The following PSMA8 variants were observed in gnomAD, a reference collection of about 807,000 sequenced individuals.
The protein encoded by PSMA8 is proteasome subunit alpha-type 8.
A neutral mutation model predicts 32.4 loss-of-function variants in PSMA8; 18 were observed. That is an observed-to-expected ratio of 0.56 (90% CI 0.38 to 0.82). PSMA8 has a LOEUF of 0.82. Ranked by LOEUF, PSMA8 falls within the 40% of genes least tolerant of loss-of-function variation. The pLI is 0.00. For synonymous variants in PSMA8, 104 were observed against 98.1 expected, an observed-to-expected ratio of 1.06 and a Z score of -0.36; for missense variants, 298 against 300.7, an observed-to-expected ratio of 0.99 and a Z score of 0.07.
At chr18:26,135,872 G>T (rs1173166952) in intron 1 of PSMA8, among the ~76,000 whole-genome samples, 2 of 152,158 alleles carry the variant, frequency 1.3e-5, no homozygotes, top group East Asian at 3.8e-4. Context: ...AGACACTTTT[G>T]TCTCAGAATT....
intron 1 of PSMA8, among the ~76,000 whole-genome samples, chr18:26,135,112 T>C (rs1382165163): frequency 6.6e-6 from 1 of 152,176 alleles, no homozygotes; most frequent in Non-Finnish European, 1.5e-5. Context: ...TCCACATTAC[T>C]GAAAAACTTA....
chr18:26,145,899 A>G (rs1454077748), intron 2 of PSMA8, among the ~76,000 whole-genome samples: 1 of 152,216 alleles, frequency 6.6e-6, no homozygotes, highest in Non-Finnish European at 1.5e-5. Flanking sequence ...GCTGGATTAT[A>G]TGATAATCCA....
chr18:26,148,613 A>G (rs2055022168), intron 2 of PSMA8, among the ~76,000 whole-genome samples: 1 of 152,168 alleles, frequency 6.6e-6, no homozygotes, highest in Non-Finnish European at 1.5e-5. Context: ...GAACAAGATA[A>G]AGATGCCCAC....
intron 6 of PSMA8, among the ~76,000 whole-genome samples, chr18:26,184,904 T>C (rs1317435151): frequency 6.7e-6 from 1 of 149,276 alleles, no homozygotes; most frequent in Non-Finnish European, 1.5e-5. Flanking sequence ...CTAGCCATCA[T>C]GGTAAAACCC....
chr18:26,137,113 G>T (rs1002410275), intron 1 of PSMA8, among the ~76,000 whole-genome samples: 1 of 152,132 alleles, frequency 6.6e-6, no homozygotes, highest in East Asian at 1.9e-4. Flanking sequence ...ATCACTTAAG[G>T]CAATTAACTT....
Position 26,167,029 on chromosome 18 carries a change from A to AATACCT in PSMA8, c.477+8788_477+8793dup, listed in dbSNP as rs2055186046. ...GACATTACAAAATCTTGCAAAATAA[A>AATACCT]ATACCTATTCAAAGCAAACATTGTG... On this transcript the variant is annotated intron_variant, in intron 4 of 6. Transcript: ENST00000415576. Among the ~76,000 whole-genome samples, 7 of 152,278 alleles carry AATACCT rather than the reference A, an allele frequency of 4.6e-5. No individual in the cohort carries two copies. The South Asian group carries it at 1.5e-3, about 32-fold the overall frequency.
chr18:26,174,005 T>C (rs1260832456), intron 4 of PSMA8, among the ~76,000 whole-genome samples: 1 of 152,162 alleles, frequency 6.6e-6, no homozygotes, highest in East Asian at 1.9e-4. Context: ...TTCTCTCCCT[T>C]TGAACTTTTG....
intron 2 of PSMA8, among the ~76,000 whole-genome samples, chr18:26,147,328 A>T (rs1045491915): frequency 6.6e-6 from 1 of 152,104 alleles, no homozygotes; most frequent in Non-Finnish European, 1.5e-5. Context: ...AAACACGTGG[A>T]GTTAAGCAAT....
At chr18:26,173,446 T>C (rs900185689) in intron 4 of PSMA8, among the ~76,000 whole-genome samples, 3 of 152,210 alleles carry the variant, frequency 2.0e-5, no homozygotes, top group African/African-American at 7.2e-5. Context: ...GCTTTACTTC[T>C]CTCATAACAA....
intron 3 of PSMA8, among the ~76,000 whole-genome samples, chr18:26,154,535 C>T (rs576033244): frequency 6.6e-6 from 1 of 152,092 alleles, no homozygotes; most frequent in African/African-American, 2.4e-5. Context: ...GAATTACCAC[C>T]GAGAAGGCCT....
intron 6 of PSMA8, among the ~76,000 whole-genome samples, chr18:26,192,025 C>G (rs541569420): frequency 6.6e-6 from 1 of 152,172 alleles, no homozygotes; most frequent in African/African-American, 2.4e-5. Flanking sequence ...AATTAAGCCT[C>G]GCATTAAAAT....
chr18:26,171,004 C>G, intron 4 of PSMA8: 1 of 1,555,810 alleles, frequency 6.4e-7, no homozygotes, highest in Non-Finnish European at 8.6e-7. Flanking sequence ...AAGGCATCAT[C>G]TAGACTTCTG....
chr18:26,144,284 T>G (rs549229020), intron 1 of PSMA8, among the ~76,000 whole-genome samples: 25 of 152,292 alleles, frequency 1.6e-4, no homozygotes, highest in African/African-American at 4.6e-4. Flanking sequence ...GATAGTGCTT[T>G]TTTCAGGTGT....
Position 26,192,502 on chromosome 18 carries a change from T to C in PSMA8, c.*91T>C, listed in dbSNP as rs2055412600. 6 of 1,397,446 alleles carry C rather than the reference T, an allele frequency of 4.3e-6. No homozygotes were observed. In the East Asian group the frequency reaches 1.8e-4, roughly 41 times the overall value. The allele number at this position is 1,397,446 out of a possible 1,614,324, so 86.6% of individuals were successfully genotyped here. A position where few individuals can be genotyped will look rare whatever the true frequency, so the allele number is the denominator to read the frequency against. On this transcript the variant is annotated 3_prime_UTR_variant, in exon 7 of 7. Coordinates refer to ENST00000415576, the MANE Select transcript of PSMA8 (RefSeq NM_001025096.2). ...GAAATTTTAGAGGAAAACAGTTATT[T>C]TGCAGCATTACATGCAGTACTTGTG...
chr18:26,173,570 T>C (rs2055241260), intron 4 of PSMA8, among the ~76,000 whole-genome samples: 1 of 152,132 alleles, frequency 6.6e-6, no homozygotes, highest in South Asian at 2.1e-4. Flanking sequence ...TTTTTTTTTT[T>C]TTTGAGATGG....
At chr18:26,147,538 A>C (rs2055014118) in intron 2 of PSMA8, among the ~76,000 whole-genome samples, 1 of 152,202 alleles carries the variant, frequency 6.6e-6, no homozygotes, top group South Asian at 2.1e-4. Flanking sequence ...TTTATACCTT[A>C]AAACTAGGAA....
At chr18:26,173,840 G>A (rs562663334) in intron 4 of PSMA8, among the ~76,000 whole-genome samples, 1 of 152,230 alleles carries the variant, frequency 6.6e-6, no homozygotes, top group South Asian at 2.1e-4. Context: ...ACAAGTGTGA[G>A]CCATCACGCC....
chr18:26,163,251 A>ATATATATATATAT (rs2055152837), intron 4 of PSMA8, among the ~76,000 whole-genome samples: 1 of 87,776 alleles, frequency 1.1e-5, no homozygotes, highest in African/African-American at 4.6e-5. Context: ...ATATATATAT[A>ATATATATATATAT]TATATATATA....
chr18:26,178,899 A>G lies in PSMA8; in HGVS notation c.547A>G (p.Ile183Val). The change falls in exon 5 of 7, where the codon ATA becomes GTA. Residue 183 changes from isoleucine to valine, a missense_variant. Ile to Val is a conservative substitution (Grantham distance 29). Coordinates refer to ENST00000415576, the MANE Select transcript of PSMA8 (RefSeq NM_001025096.2). ...FLEKNYTEDA[I>V]ASDSEAIKLA... is the part of the protein sequence containing the mutation. ...AGAAAAGAATTACACAGAAGATGCC[A>G]TAGCAAGTGACAGTGAAGCTATCAA... The G allele has an allele frequency of 1.2e-6, 2 of 1,613,944 alleles. No individual in the cohort carries two copies. Among genetic ancestry groups the G allele is most frequent in the Non-Finnish European group, 8.5e-7 (1 of 1,179,854 alleles).
Sources: gnomAD v4.1 joint callset for allele counts (sites outside exome capture counted in the v4.1 genomes callset) on GRCh38, gnomAD v4.1.1 for gene constraint, MANE v1.5 for transcripts, NCBI Gene and HGNC (gene_info 2026-07-23, HGNC 2026-07-21) for gene names.